TASOR: variants seen among roughly 807,000 people sequenced by gnomAD.
TASOR encodes protein TASOR.
In TASOR, 53 loss-of-function variants were observed where a neutral mutation model predicts 178.6. The ratio of observed to expected loss-of-function variants is 0.30; its 90% CI spans 0.24 to 0.37. The LOEUF (loss-of-function observed/expected upper bound fraction) is 0.37, where lower values mean the gene tolerates loss of function less well. TASOR is among the 10% of genes least tolerant of loss of function. The probability of loss-of-function intolerance (pLI) is 1.00; values close to 1 mark genes in which losing one functional copy is unlikely to be tolerated. For missense variants in TASOR, 1,815 were observed against 1,971.4 expected, an observed-to-expected ratio of 0.92 and a Z score of 1.50; for synonymous variants, 713 against 696.2, an observed-to-expected ratio of 1.02 and a Z score of -0.38.
chr3:56,640,254 A>C, intron 15 of TASOR, 124 bp from the exon 16 acceptor site: 1 of 783,758 alleles, frequency 1.3e-6, no homozygotes, highest in Non-Finnish European at 2.0e-6. Flanking sequence ...TAAAATCAAC[A>C]TGGTAAAGTT....
chr3:56,627,453 G>C, intron 20 of TASOR, 129 bp downstream of exon 20: 3 of 1,008,736 alleles, frequency 3.0e-6, no homozygotes, highest in Non-Finnish European at 4.4e-6. Context: ...AAAGAAATTT[G>C]AGGTAATAAA....
intron 1 of TASOR, among the ~76,000 whole-genome samples, chr3:56,682,458 C>A (rs1343137123): frequency 2.0e-5 from 3 of 151,988 alleles, no homozygotes; most frequent in Non-Finnish European, 4.4e-5. Context: ...GAGCTACTTC[C>A]AACTTCCGCG....
chr3:56,645,945 G>A (rs527283063), intron 14 of TASOR, among the ~76,000 whole-genome samples: 19 of 152,194 alleles, frequency 1.2e-4, no homozygotes, highest in Admixed American at 7.8e-4. Flanking sequence ...TCAGGAGATC[G>A]AGACCATCCT....
chr3:56,624,820 CTCTT>C lies in TASOR; in HGVS notation c.4318+4_4318+7del. The C allele has an allele frequency of 6.2e-7, 1 of 1,613,630 alleles. No individual in the cohort carries two copies. Among genetic ancestry groups the C allele is most frequent in the Non-Finnish European group, 8.5e-7 (1 of 1,179,736 alleles). On this transcript the variant is annotated splice_donor_5th_base_variant and intron_variant, in intron 22 of 23. Transcript: ENST00000683822. ...TCATAGTAGAAAGCTTAGGAGTGCT[CTCTT>C]TACCTGTTAAAAAGACTATGTGTCG...
At position 56,660,832 on chromosome 3, in the gene TASOR, A is replaced by G; in HGVS notation, c.1267T>C (p.Leu423=). The part of the protein sequence containing the change: ...KETYLGPNEV[L]KNGMYCSLYE... ...AGGCTGCAATACATTCCATTCTTCA[A>G]AACTGACATAAGAAAAATACATAGT... The change falls in exon 11 of 24, where the codon TTG becomes CTG. Residue 423 remains leucine (L), a splice_region_variant and synonymous_variant. Transcript: ENST00000683822. 1.2e-6 allele frequency: 2 copies of G among 1,613,312 alleles called. No individual in the cohort carries two copies. The highest frequency in any genetic ancestry group is 2.2e-5 in the South Asian group (2 of 90,814).
In TASOR at chr3:56,624,658, A is replaced by T. The variant is rs748184961; in HGVS notation, c.4319-15T>A. The T allele has an allele frequency of 6.9e-6, 11 of 1,604,142 alleles. No homozygotes were observed. Among genetic ancestry groups the T allele is most frequent in the Non-Finnish European group, 9.4e-6 (11 of 1,176,192 alleles). On this transcript the variant is annotated splice_polypyrimidine_tract_variant and intron_variant, in intron 22 of 23. Transcript: ENST00000683822. ...GATGTTCTTCTCTAAATTAAGAAAAAAAGTTTCATGTATGAAACACTTCAA... is the reference window on the plus strand; with the variant it reads ...GATGTTCTTCTCTAAATTAAGAAAATAAGTTTCATGTATGAAACACTTCAA...
At chr3:56,636,023 C>T (rs918615787) in intron 17 of TASOR, among the ~76,000 whole-genome samples, 6 of 152,074 alleles carry the variant, frequency 3.9e-5, no homozygotes, top group African/African-American at 1.4e-4. Flanking sequence ...AACTTAACTG[C>T]TCAGGCACAG....
chr3:56,669,609 T>C, intron 5 of TASOR, 91 bp downstream of exon 5: 1 of 780,962 alleles, frequency 1.3e-6, no homozygotes, highest in Non-Finnish European at 2.0e-6. Context: ...GCATGAACTT[T>C]TAAACAATCT....
intron 18 of TASOR, among the ~76,000 whole-genome samples, chr3:56,630,763 T>G (rs1013964996): frequency 6.6e-6 from 1 of 152,128 alleles, no homozygotes; most frequent in African/African-American, 2.4e-5. Context: ...GAGAATTGCT[T>G]GACCCCAGAA....
rs1256149765 is a variant in TASOR, at chr3:56,620,336, T to C, written c.*2701A>G. 2 of 154,198 alleles carry C rather than the reference T, an allele frequency of 1.3e-5. No individual in the cohort carries two copies. The highest frequency in any genetic ancestry group is 2.0e-4 in the South Asian group (1 of 4,992). The allele number at this position is 154,198 out of a possible 1,614,324, so 9.6% of individuals were successfully genotyped here. A position where few individuals can be genotyped will look rare whatever the true frequency, so the allele number is the denominator to read the frequency against. On this transcript the variant is annotated 3_prime_UTR_variant, in exon 24 of 24. Transcript: ENST00000683822. ...TAGTAATAAATTCAGTATGAAATTA[T>C]ACGCATAACCTTACTCACCATACTA...
At chr3:56,663,828 C>T in intron 7 of TASOR, 5 of 1,007,316 alleles carry the variant, frequency 5.0e-6, no homozygotes, top group Non-Finnish European at 5.9e-6. Context: ...AAAATATTAA[C>T]CAAGAGAGAA....
At position 56,633,710 on chromosome 3, in the gene TASOR, G is replaced by T. The variant is rs1428456016; in HGVS notation, c.3081C>A (p.Leu1027=). 1 of 1,614,118 alleles carries T rather than the reference G, an allele frequency of 6.2e-7. No individual in the cohort carries two copies. The highest frequency in any genetic ancestry group is 1.7e-5 in the Admixed American group (1 of 60,016). Residue 1027 remains leucine, a synonymous_variant, in exon 18 of 24, where the codon CTC becomes CTA. Coordinates refer to ENST00000683822, the MANE Select transcript of TASOR (RefSeq NM_001365635.2). The part of the protein sequence containing the change: ...TERTVLGEYN[L]FSRKIEEILK... The stretch of plus-strand genomic sequence containing the variant: ...AAATCTCTTCTATCTTCCTAGAAAA[G>T]AGATTGTACTCTCCTAACACTGTCC...
chr3:56,628,904 A>G, intron 18 of TASOR: 1 of 194,804 alleles, frequency 5.1e-6, no homozygotes. Flanking sequence ...GGATGGCACT[A>G]GGCTCGCACC....
chr3:56,683,021 G>T lies in TASOR; in HGVS notation c.-15C>A. ...GCAGTCGCCATCGCGCCGGCCTAAG[G>T]AGCTCTGGGAAGCTTCTGCCCACAA... On this transcript the variant is annotated 5_prime_UTR_variant, in exon 1 of 24. Coordinates refer to ENST00000683822, the MANE Select transcript of TASOR (RefSeq NM_001365635.2). 1 of 1,516,338 alleles carries T rather than the reference G, an allele frequency of 6.6e-7. No homozygotes were observed. The allele number at this position is 1,516,338 out of a possible 1,614,324, so 93.9% of individuals were successfully genotyped here.
At chr3:56,637,157 A>G (rs1022079824) in intron 17 of TASOR, among the ~76,000 whole-genome samples, 1 of 152,250 alleles carries the variant, frequency 6.6e-6, no homozygotes, top group Non-Finnish European at 1.5e-5. Context: ...CTTGGGAACA[A>G]GGAGAGTACT....
intron 14 of TASOR, among the ~76,000 whole-genome samples, chr3:56,644,623 A>G (rs879436619): frequency 3.3e-5 from 5 of 152,196 alleles, no homozygotes; most frequent in African/African-American, 7.2e-5. Flanking sequence ...AAGCAAGTAT[A>G]TAAGATGAGA....
intron 1 of TASOR, 106 bp from the exon 2 acceptor site, chr3:56,673,831 G>C (rs2030991683): frequency 1.2e-5 from 11 of 929,798 alleles, no homozygotes; most frequent in Non-Finnish European, 1.4e-5. Context: ...ATGAAAAAAG[G>C]CATCAAGGCT....
intron 14 of TASOR, among the ~76,000 whole-genome samples, chr3:56,645,591 A>G (rs1323235644): frequency 6.6e-6 from 1 of 152,220 alleles, no homozygotes; most frequent in Non-Finnish European, 1.5e-5. Flanking sequence ...AAATCTAGAT[A>G]AAAGTGTTTT....
intron 21 of TASOR, among the ~76,000 whole-genome samples, chr3:56,626,290 G>C (rs922076574): frequency 8.5e-5 from 13 of 152,152 alleles, no homozygotes; most frequent in Admixed American, 2.6e-4. Flanking sequence ...ATGCATTTTA[G>C]AAATTATCTA....
Sources: allele counts gnomAD v4.1 joint callset (sites outside exome capture counted in the v4.1 genomes callset), GRCh38; gene constraint gnomAD v4.1.1; transcripts MANE v1.5; gene names NCBI Gene and HGNC (gene_info 2026-07-23, HGNC 2026-07-21).